Variants in ZFYVE9 observed in about 807,000 individuals in gnomAD.
ZFYVE9 encodes the protein zinc finger FYVE domain-containing protein 9.
In ZFYVE9, 43 loss-of-function variants were observed where a neutral mutation model predicts 126.7. The ratio of observed to expected loss-of-function variants is 0.34; its 90% CI spans 0.27 to 0.44. ZFYVE9 has a LOEUF of 0.44. Among genes scored for constraint, ZFYVE9 ranks in the 20% least tolerant of loss-of-function variants. The pLI, the probability that ZFYVE9 is intolerant of heterozygous loss-of-function variation, is 1.00. For synonymous variants in ZFYVE9, 521 were observed against 597.4 expected, an observed-to-expected ratio of 0.87 and a Z score of 1.87; for missense variants, 1,476 against 1,697.0, an observed-to-expected ratio of 0.87 and a Z score of 2.29.
intron 11 of ZFYVE9, among the ~76,000 whole-genome samples, chr1:52,294,378 C>G (rs2820335): frequency 0.073 from 11,129 of 152,126 alleles, 530 homozygotes; most frequent in African/African-American, 0.13. Flanking sequence ...TTAACAGGAT[C>G]AAATGAGAGA....
chr1:52,296,917 G>T lies in ZFYVE9; in HGVS notation c.3333+940G>T, dbSNP rs542510059. 3.3e-5 allele frequency among the ~76,000 whole-genome samples: 5 copies of T among 152,108 alleles called. No individual in the cohort carries two copies. The South Asian group carries it at 1.0e-3, about 32-fold the overall frequency. On this transcript the variant is annotated intron_variant, in intron 12 of 18. Transcript: ENST00000287727. ...CAACCTCCACCTCCGAGCAATTCTC[G>T]TGCCTGAGCCTCCTGAGCAGCTGTG...
intron 2 of ZFYVE9, among the ~76,000 whole-genome samples, chr1:52,226,037 C>T (rs896122285): frequency 3.9e-5 from 6 of 152,074 alleles, no homozygotes; most frequent in South Asian, 2.1e-4. Context: ...CTTGAGGAGG[C>T]GGTGTCTGAT....
chr1:52,149,011 C>T (rs111355017), intron 1 of ZFYVE9, among the ~76,000 whole-genome samples: 8,396 of 118,200 alleles, frequency 0.071, 744 homozygotes, highest in African/African-American at 0.21. Context: ...GTCAACCAGG[C>T]TAGAGTGCAG....
intron 2 of ZFYVE9, among the ~76,000 whole-genome samples, chr1:52,217,328 G>A (rs1645081135): frequency 6.6e-6 from 1 of 152,128 alleles, no homozygotes; most frequent in Non-Finnish European, 1.5e-5. Context: ...GAAATGGTTA[G>A]ACTTAACAGA....
intron 14 of ZFYVE9, among the ~76,000 whole-genome samples, chr1:52,333,354 C>T (rs1016812715): frequency 4.6e-5 from 7 of 151,280 alleles, no homozygotes; most frequent in Admixed American, 6.6e-5. Flanking sequence ...TTTGAAGGCA[C>T]GACTAGGCCC....
chr1:52,151,234 G>A (rs1392444335), intron 1 of ZFYVE9, among the ~76,000 whole-genome samples: 1 of 151,882 alleles, frequency 6.6e-6, no homozygotes, highest in East Asian at 1.9e-4. Context: ...TACTTTTTGT[G>A]GAATATAAAA....
chr1:52,254,195 A>G lies in ZFYVE9; in HGVS notation c.2179-9578A>G, dbSNP rs954463504. 1.3e-5 allele frequency: 7 copies of G among 535,994 alleles called. No homozygotes were observed. In the East Asian group the frequency reaches 1.7e-4, roughly 13 times the overall value. 33.2% of individuals were successfully genotyped at this position (535,994 alleles called of 1,614,324 possible). A position where few individuals can be genotyped will look rare whatever the true frequency, so the allele number is the denominator to read the frequency against. On this transcript the variant is annotated intron_variant, in intron 4 of 18. Coordinates refer to ENST00000287727, the MANE Select transcript of ZFYVE9 (RefSeq NM_004799.4). ...TTCAATAAGGTGACTTTAAAATGAT[A>G]TGGAAGTCATTAAACGTATCTTTGT...
At chr1:52,294,204 C>T (rs1645951667) in intron 11 of ZFYVE9, among the ~76,000 whole-genome samples, 1 of 152,144 alleles carries the variant, frequency 6.6e-6, no homozygotes, top group Non-Finnish European at 1.5e-5. Context: ...ATATCTCCAT[C>T]TAATTAAAAG....
intron 10 of ZFYVE9, among the ~76,000 whole-genome samples, chr1:52,292,963 A>G (rs1189007636): frequency 6.6e-6 from 1 of 152,206 alleles, no homozygotes; most frequent in East Asian, 1.9e-4. Flanking sequence ...CCAAATTTTC[A>G]TTTAATAAAT....
At chr1:52,301,898 A>ATT (rs1484556179) in intron 12 of ZFYVE9, among the ~76,000 whole-genome samples, 2 of 151,958 alleles carry the variant, frequency 1.3e-5, no homozygotes, top group African/African-American at 4.8e-5. Flanking sequence ...GATGAATTTT[A>ATT]TTGCTGTGCT....
intron 4 of ZFYVE9, chr1:52,254,189 A>G: frequency 1.8e-6 from 1 of 561,762 alleles, no homozygotes; most frequent in Non-Finnish European, 3.1e-6. Context: ...GTGACTTTAA[A>G]ATGATATGGA....
chr1:52,265,274 C>T (rs1178200630), intron 5 of ZFYVE9, among the ~76,000 whole-genome samples: 1 of 151,950 alleles, frequency 6.6e-6, no homozygotes, highest in Admixed American at 6.6e-5. Context: ...TCCCTTTTTC[C>T]CTTTCTCCTT....
intron 13 of ZFYVE9, 60 bp downstream of exon 13, chr1:52,303,985 T>G: frequency 1.8e-6 from 2 of 1,119,968 alleles, no homozygotes; most frequent in South Asian, 1.7e-5. Context: ...AGGTGAAAAA[T>G]GCATGATTAT....
chr1:52,255,938 C>CTTTTCTTTTCTTTTT (rs1231253359), intron 4 of ZFYVE9, among the ~76,000 whole-genome samples: 1 of 124,292 alleles, frequency 8.0e-6, no homozygotes, highest in African/African-American at 4.0e-5. Context: ...CTTTTCTTTT[C>CTTTTCTTTTCTTTTT]TTTTCTTTTC....
chr1:52,259,890 C>A (rs567746252), intron 4 of ZFYVE9, among the ~76,000 whole-genome samples: 1 of 152,290 alleles, frequency 6.6e-6, no homozygotes, highest in African/African-American at 2.4e-5. Context: ...ACATACAGAA[C>A]TATTTCATTC....
At chr1:52,329,732 C>A (rs1261335845) in intron 13 of ZFYVE9, among the ~76,000 whole-genome samples, 1 of 151,868 alleles carries the variant, frequency 6.6e-6, no homozygotes, top group Non-Finnish European at 1.5e-5. Flanking sequence ...GGTGAAATCC[C>A]GTCTCTACTA....
At chr1:52,160,649 C>T (rs1172315362) in intron 1 of ZFYVE9, 9 of 621,622 alleles carry the variant, frequency 1.4e-5, no homozygotes, top group East Asian at 7.9e-5. Flanking sequence ...CTCCTGACCT[C>T]GTGATCCGCC....
At chr1:52,278,374 C>G in intron 8 of ZFYVE9, 118 bp from the exon 9 acceptor site, 1 of 1,309,704 alleles carries the variant, frequency 7.6e-7, no homozygotes, top group Admixed American at 1.8e-5. Flanking sequence ...CTGTATGCAC[C>G]TATTGATAAA....
At chr1:52,236,810 G>A (rs1186393645) in intron 3 of ZFYVE9, among the ~76,000 whole-genome samples, 1 of 152,064 alleles carries the variant, frequency 6.6e-6, no homozygotes, top group Non-Finnish European at 1.5e-5. Context: ...CATGTGTTGG[G>A]CAAATTTAAA....
Sources: allele counts gnomAD v4.1 joint callset (sites outside exome capture counted in the v4.1 genomes callset), GRCh38; gene constraint gnomAD v4.1.1; transcripts MANE v1.5; gene names NCBI Gene and HGNC (gene_info 2026-07-23, HGNC 2026-07-21).